Variants in NTNG1 observed in about 807,000 individuals in gnomAD.
NTNG1 encodes the protein netrin G1, also known as netrin-G1.
Under a neutral mutation model 54.0 loss-of-function variants are expected in NTNG1, and 16 were observed. The observed-to-expected ratio is 0.30, with a 90% CI of 0.20 to 0.45. NTNG1 has a LOEUF of 0.45. Among genes scored for constraint, NTNG1 ranks in the 20% least tolerant of loss-of-function variants. NTNG1 has a pLI of 1.00. For missense variants in NTNG1, 530 were observed against 678.7 expected (o/e 0.78, Z 2.43); for synonymous variants, 255 against 263.1 (o/e 0.97, Z 0.30).
At chr1:107,194,218 C>T (rs1053605921) in intron 2 of NTNG1, among the ~76,000 whole-genome samples, 1 of 151,976 alleles carries the variant, frequency 6.6e-6, no homozygotes, top group Admixed American at 6.6e-5. Flanking sequence ...GGGCTCTGGG[C>T]TTTCCAAAGC....
intron 7 of NTNG1, chr1:107,455,591 G>T (rs1019693675): frequency 4.1e-6 from 2 of 492,672 alleles, no homozygotes; most frequent in African/African-American, 3.9e-5. Context: ...GACAGGCAGG[G>T]CAACCACAAA....
At chr1:107,319,621 G>A (rs963304699) in intron 2 of NTNG1, among the ~76,000 whole-genome samples, 1 of 152,116 alleles carries the variant, frequency 6.6e-6, no homozygotes, top group African/African-American at 2.4e-5. Flanking sequence ...GCAAATGGGT[G>A]CAGGACATCT....
At chr1:107,324,247 G>A (rs779738217) in intron 2 of NTNG1, 35 bp from the exon 3 acceptor site, 1 of 1,596,034 alleles carries the variant, frequency 6.3e-7, no homozygotes, top group African/African-American at 1.3e-5. Flanking sequence ...GCAAACCAGT[G>A]TTTTGATGCA....
intron 2 of NTNG1, among the ~76,000 whole-genome samples, chr1:107,186,157 G>T (rs918515844): frequency 1.3e-5 from 2 of 152,024 alleles, no homozygotes; most frequent in African/African-American, 4.8e-5. Flanking sequence ...TAGGATAATG[G>T]CCTCCAGTTC....
At chr1:107,275,871 A>G (rs1333341668) in intron 2 of NTNG1, among the ~76,000 whole-genome samples, 1 of 152,230 alleles carries the variant, frequency 6.6e-6, no homozygotes, top group Admixed American at 6.5e-5. Context: ...AAGGTGACAT[A>G]TAAAATTAAC....
intron 7 of NTNG1, among the ~76,000 whole-genome samples, chr1:107,439,689 C>T (rs1675843044): frequency 6.6e-6 from 1 of 152,044 alleles, no homozygotes; most frequent in Non-Finnish European, 1.5e-5. Context: ...AGAAATTCTT[C>T]TGTCAGTTAG....
intron 2 of NTNG1, among the ~76,000 whole-genome samples, chr1:107,302,350 T>C (rs957723326): frequency 6.6e-6 from 1 of 152,156 alleles, no homozygotes; most frequent in Non-Finnish European, 1.5e-5. Context: ...GGAACACTTA[T>C]TCTGATAACC....
chr1:107,259,769 C>T (rs1011882989), intron 2 of NTNG1, among the ~76,000 whole-genome samples: 4 of 152,128 alleles, frequency 2.6e-5, no homozygotes, highest in Admixed American at 6.5e-5. Flanking sequence ...ATGTGTGTGA[C>T]GCAGATGACA....
intron 2 of NTNG1, among the ~76,000 whole-genome samples, chr1:107,321,747 A>T (rs1570673064): frequency 6.6e-6 from 1 of 152,266 alleles, no homozygotes; most frequent in East Asian, 1.9e-4. Context: ...CAAGAAGATT[A>T]GGCTGTGTTT....
At chr1:107,142,878 C>T (rs1431098179) in intron 1 of NTNG1, among the ~76,000 whole-genome samples, 1 of 151,898 alleles carries the variant, frequency 6.6e-6, no homozygotes, top group Non-Finnish European at 1.5e-5. Flanking sequence ...AACTGTGTCA[C>T]TTTGAATGCC....
At chr1:107,319,739 C>A (rs1288076765) in intron 2 of NTNG1, among the ~76,000 whole-genome samples, 1 of 152,006 alleles carries the variant, frequency 6.6e-6, no homozygotes, top group Non-Finnish European at 1.5e-5. Context: ...AGTGGCAAAT[C>A]TCGCGTAAGA....
intron 2 of NTNG1, among the ~76,000 whole-genome samples, chr1:107,190,590 T>C (rs7544283): frequency 0.99 from 151,000 of 152,042 alleles, 74,992 homozygotes; most frequent in East Asian, 1. Context: ...CCCCACCCCA[T>C]AACAGGCCCC....
chr1:107,349,931 A>G (rs561471379), intron 3 of NTNG1, among the ~76,000 whole-genome samples: 41 of 152,290 alleles, frequency 2.7e-4, no homozygotes, highest in African/African-American at 9.4e-4. Flanking sequence ...AGGGAAATAA[A>G]TACCTTGGAA....
intron 7 of NTNG1, among the ~76,000 whole-genome samples, chr1:107,466,585 T>C (rs115021736): frequency 0.014 from 2,154 of 152,350 alleles, 17 homozygotes; most frequent in Non-Finnish European, 0.022. Flanking sequence ...AAGCACGTCA[T>C]GTGATTAGTC....
At chr1:107,210,450 C>G (rs962464902) in intron 2 of NTNG1, among the ~76,000 whole-genome samples, 3 of 152,058 alleles carry the variant, frequency 2.0e-5, no homozygotes, top group African/African-American at 7.2e-5. Flanking sequence ...TTGGGCCACT[C>G]GAGGATGAAG....
intron 7 of NTNG1, among the ~76,000 whole-genome samples, chr1:107,477,416 T>A (rs1311949417): frequency 6.6e-6 from 1 of 152,220 alleles, no homozygotes; most frequent in African/African-American, 2.4e-5. Flanking sequence ...TCCTACTTTC[T>A]CTGCTCCCTC....
At chr1:107,329,902 C>T (rs6657375) in intron 3 of NTNG1, among the ~76,000 whole-genome samples, 88,331 of 151,326 alleles carry the variant, frequency 0.58, 27,977 homozygotes, top group Non-Finnish European at 0.7. Flanking sequence ...TAAACAACAA[C>T]GACAAAAAAA....
At chr1:107,254,329 C>T (rs1662796980) in intron 2 of NTNG1, among the ~76,000 whole-genome samples, 1 of 152,228 alleles carries the variant, frequency 6.6e-6, no homozygotes, top group African/African-American at 2.4e-5. Context: ...TGAATAAGCA[C>T]TTACCAAGAT....
intron 2 of NTNG1, among the ~76,000 whole-genome samples, chr1:107,150,982 G>A (rs970318925): frequency 6.6e-6 from 1 of 152,156 alleles, no homozygotes; most frequent in African/African-American, 2.4e-5. Flanking sequence ...AAACTCCGTA[G>A]GACAGTCTTT....
Sources: gnomAD v4.1 joint callset for allele counts (sites outside exome capture counted in the v4.1 genomes callset) on GRCh38, gnomAD v4.1.1 for gene constraint, MANE v1.5 for transcripts, NCBI Gene and HGNC (gene_info 2026-07-23, HGNC 2026-07-21) for gene names.